Variants in RABL6 observed in about 807,000 individuals in gnomAD.
RABL6 encodes the protein RAB, member RAS oncogene family like 6.
RABL6 carries 28 observed loss-of-function variants against 72.9 expected under a neutral mutation model. The observed-to-expected ratio is 0.38, with a 90% CI of 0.28 to 0.53. RABL6 has a LOEUF of 0.53. Ranked by LOEUF, RABL6 falls within the 20% of genes least tolerant of loss-of-function variation. The probability of loss-of-function intolerance (pLI) is 0.80; values close to 1 mark genes in which losing one functional copy is unlikely to be tolerated. For missense variants in RABL6, 1,029 were observed against 1,008.4 expected, an observed-to-expected ratio of 1.02 and a Z score of -0.28; for synonymous variants, 477 against 421.2, an observed-to-expected ratio of 1.13 and a Z score of -1.62.
At chr9:136,834,075 G>A in intron 7 of RABL6, 1 of 1,425,474 alleles carries the variant, frequency 7.0e-7, no homozygotes, top group Non-Finnish European at 9.2e-7. Flanking sequence ...TGCTATGGAT[G>A]TGTTCAAGCA....
In RABL6 at chr9:136,840,989, C is replaced by T. The variant is rs546257341; in HGVS notation, c.*467C>T. On this transcript the variant is annotated 3_prime_UTR_variant, in exon 15 of 15. Transcript: ENST00000311502. ...CCTGAACACGGGTGTGCAGACTCAC[C>T]CTAAAGGGCGGCCCAGGCCCCACGC... 33 of 1,445,904 alleles carry T rather than the reference C, an allele frequency of 2.3e-5. No individual in the cohort carries two copies. In the East Asian group the frequency reaches 7.8e-4, roughly 34 times the overall value. The allele number at this position is 1,445,904 out of a possible 1,614,324, so 89.6% of individuals were successfully genotyped here.
At chr9:136,830,739 G>A (rs747011246) in intron 5 of RABL6, among the ~76,000 whole-genome samples, 1 of 152,214 alleles carries the variant, frequency 6.6e-6, no homozygotes, top group African/African-American at 2.4e-5. Context: ...AGGAGTGGGC[G>A]GGAGTGACAG....
rs147945393 is a variant in RABL6, at chr9:136,812,303, T to G, written c.130+3977T>G. 9.3e-3 allele frequency among the ~76,000 whole-genome samples: 1,413 copies of G among 152,232 alleles called. 22 individuals are homozygous for G. Among genetic ancestry groups the G allele is most frequent in the African/African-American group, 0.032 (1,343 of 41,532 alleles). Reference sequence around the variant, plus strand: ...GGCCGGGCACGGTGGCTCACACCTGTAATCCCAGCACTTTGGGAGGCTGAG... The same window carrying G: ...GGCCGGGCACGGTGGCTCACACCTGGAATCCCAGCACTTTGGGAGGCTGAG... On this transcript the variant is annotated intron_variant, in intron 1 of 14. Transcript: ENST00000311502.
chr9:136,813,343 T>G (rs2131157447), intron 1 of RABL6: 1 of 803,372 alleles, frequency 1.2e-6, no homozygotes, highest in African/African-American at 1.7e-5. Flanking sequence ...AGTTGCCTTG[T>G]CTCAGATTCT....
intron 5 of RABL6, among the ~76,000 whole-genome samples, chr9:136,829,945 C>T (rs1848437102): frequency 6.6e-6 from 1 of 152,254 alleles, no homozygotes; most frequent in Non-Finnish European, 1.5e-5. Context: ...CGCAAGCCCC[C>T]AGAGTCCACT....
intron 5 of RABL6, among the ~76,000 whole-genome samples, chr9:136,831,436 G>C (rs774757023): frequency 6.6e-6 from 1 of 152,304 alleles, no homozygotes. Context: ...GCGGACATGG[G>C]GTGCTCTGAG....
intron 1 of RABL6, among the ~76,000 whole-genome samples, chr9:136,817,783 GC>G (rs1848150928): frequency 6.6e-6 from 1 of 152,118 alleles, no homozygotes; most frequent in Non-Finnish European, 1.5e-5. Context: ...AGCAAAGGGG[GC>G]CGGGTGCTGG....
At chr9:136,833,693 G>C in intron 7 of RABL6, 1 of 1,549,328 alleles carries the variant, frequency 6.5e-7, no homozygotes, top group Non-Finnish European at 8.7e-7. Flanking sequence ...CCCAGCTGCA[G>C]CTGCAGCAGC....
In RABL6 at chr9:136,835,709, C is replaced by G. The variant is rs571355505; in HGVS notation, c.706-33C>G. 131 of 1,524,104 alleles carry G rather than the reference C, an allele frequency of 8.6e-5. No homozygotes were observed. In the South Asian group the frequency reaches 1.5e-3, roughly 18 times the overall value. 94.4% of individuals were successfully genotyped at this position (1,524,104 alleles called of 1,614,324 possible). On this transcript the variant is annotated intron_variant, in intron 7 of 14. Coordinates refer to ENST00000311502, the MANE Select transcript of RABL6 (RefSeq NM_024718.5). ...CTGGGGCACTCGCAGCAGGAAGGAG[C>G]CCTGCTCAGGCCTGCGTGCTCCCTT...
Position 136,835,727 on chromosome 9 carries a change from G to T in RABL6, c.706-15G>T. 1.3e-6 allele frequency: 2 copies of T among 1,546,018 alleles called. No homozygotes were observed. Among genetic ancestry groups the T allele is most frequent in the Non-Finnish European group, 8.7e-7 (1 of 1,144,574 alleles). ...GAAGGAGCCCTGCTCAGGCCTGCGT[G>T]CTCCCTTTCTGCAGAGGGAGACGCT... On this transcript the variant is annotated splice_polypyrimidine_tract_variant and intron_variant, in intron 7 of 14. Transcript: ENST00000311502.
chr9:136,833,446 G>A (rs537581942), intron 7 of RABL6: 105 of 461,050 alleles, frequency 2.3e-4, no homozygotes, highest in African/African-American at 2.1e-3. Flanking sequence ...GCCCCAGCTG[G>A]GTCTGGGGGA....
intron 1 of RABL6, among the ~76,000 whole-genome samples, chr9:136,816,266 G>T (rs1009801492): frequency 2.6e-5 from 4 of 152,086 alleles, no homozygotes; most frequent in Non-Finnish European, 5.9e-5. Flanking sequence ...CACCATGCCT[G>T]GCTGAGTTTT....
intron 7 of RABL6, chr9:136,833,905 C>G: frequency 6.4e-7 from 1 of 1,550,538 alleles, no homozygotes; most frequent in East Asian, 2.4e-5. Context: ...CCCCTCATCA[C>G]TGGGTTGATT....
intron 8 of RABL6, chr9:136,836,163 T>C: frequency 3.3e-6 from 1 of 300,814 alleles, no homozygotes; most frequent in South Asian, 5.4e-5. Context: ...GCCTCCCAGA[T>C]TGATGCCAGC....
Position 136,808,222 on chromosome 9 carries a change from TG to T in RABL6, c.30del (p.Ser11ArgfsTer18). On this transcript the variant is annotated frameshift_variant, in exon 1 of 15. Coordinates refer to ENST00000311502, the MANE Select transcript of RABL6 (RefSeq NM_024718.5). LOFTEE classifies it high-confidence loss of function. MFSALKKL[V>X]GSDQAPGRDK... ...ATGTTTTCCGCCCTGAAGAAGCTGG[TG>T]GGGTCGGACCAGGCCCCGGGCCGGG... The T allele has an allele frequency of 6.4e-7, 1 of 1,554,872 alleles. No individual in the cohort carries two copies. The highest frequency in any genetic ancestry group is 1.9e-5 in the Admixed American group (1 of 53,182).
chr9:136,829,043 C>T (rs1057325513), intron 4 of RABL6, among the ~76,000 whole-genome samples: 6 of 152,204 alleles, frequency 3.9e-5, no homozygotes, highest in African/African-American at 1.4e-4. Flanking sequence ...GGCACTGGAA[C>T]CTTCCGGAAC....
intron 1 of RABL6, among the ~76,000 whole-genome samples, chr9:136,810,430 AC>A (rs1847984182): frequency 6.6e-6 from 1 of 152,248 alleles, no homozygotes; most frequent in Non-Finnish European, 1.5e-5. Flanking sequence ...TTGAATTTGT[AC>A]CTAAATTACA....
intron 1 of RABL6, chr9:136,813,217 A>G: frequency 3.8e-6 from 2 of 524,516 alleles, no homozygotes; most frequent in Non-Finnish European, 7.2e-6. Context: ...CCCTGCCCCC[A>G]GTTTCCCTTT....
chr9:136,821,177 C>T (rs558127377), intron 1 of RABL6, among the ~76,000 whole-genome samples: 3 of 152,332 alleles, frequency 2.0e-5, no homozygotes, highest in Admixed American at 2.0e-4. Flanking sequence ...AGAGCATGTG[C>T]CATTTTTACA....
Sources: gnomAD v4.1 joint callset for allele counts (sites outside exome capture counted in the v4.1 genomes callset) on GRCh38, gnomAD v4.1.1 for gene constraint, MANE v1.5 for transcripts, NCBI Gene and HGNC (gene_info 2026-07-23, HGNC 2026-07-21) for gene names.